MED13L: variants seen among roughly 807,000 people sequenced by gnomAD.
MED13L encodes mediator complex subunit 13L.
MED13L carries 7 observed loss-of-function variants against 220.9 expected under a neutral mutation model. The ratio of observed to expected loss-of-function variants is 0.03; its 90% CI spans 0.02 to 0.06. The LOEUF (loss-of-function observed/expected upper bound fraction) is 0.06, where lower values mean the gene tolerates loss of function less well. Ranked by LOEUF, MED13L falls within the 10% of genes least tolerant of loss-of-function variation. The pLI, the probability that MED13L is intolerant of heterozygous loss-of-function variation, is 1.00. For missense variants in MED13L, 1,965 were observed against 2,760.5 expected (o/e 0.71, Z 6.46); for synonymous variants, 1,011 against 1,015.2 (o/e 1.00, Z 0.08).
At chr12:116,067,357 T>C (rs559898232) in intron 4 of MED13L, among the ~76,000 whole-genome samples, 22 of 152,088 alleles carry the variant, frequency 1.4e-4, no homozygotes, top group Admixed American at 3.9e-4. Flanking sequence ...ATATATGAAG[T>C]TGGAATTTTC....
intron 2 of MED13L, among the ~76,000 whole-genome samples, chr12:116,199,219 TGA>T (rs1259097999): frequency 6.6e-6 from 1 of 152,208 alleles, no homozygotes; most frequent in African/African-American, 2.4e-5. Context: ...AGTTTTTGCA[TGA>T]GAGAGGTAGG....
chr12:116,012,419 C>T (rs114960845), intron 9 of MED13L, among the ~76,000 whole-genome samples: 5 of 152,316 alleles, frequency 3.3e-5, no homozygotes, highest in African/African-American at 1.2e-4. Context: ...AAATTATCTA[C>T]AGAAAGTCTC....
intron 14 of MED13L, among the ~76,000 whole-genome samples, chr12:115,998,216 T>C (rs576400182): frequency 5.9e-5 from 9 of 152,240 alleles, no homozygotes; most frequent in Non-Finnish European, 1.0e-4. Flanking sequence ...AGTAGACCTA[T>C]TGAAAAGTTG....
chr12:115,982,626 G>C, intron 21 of MED13L, 23 bp from the exon 22 acceptor site: 1 of 1,571,590 alleles, frequency 6.4e-7, no homozygotes, highest in African/African-American at 1.3e-5. Flanking sequence ...TCACTTGTGA[G>C]ATGCACAAAA....
intron 4 of MED13L, among the ~76,000 whole-genome samples, chr12:116,090,702 T>A (rs1345097929): frequency 6.6e-6 from 1 of 152,176 alleles, no homozygotes; most frequent in Non-Finnish European, 1.5e-5. Flanking sequence ...TGGAAGATCA[T>A]CTACATTTCC....
intron 16 of MED13L, among the ~76,000 whole-genome samples, chr12:115,995,992 A>C (rs574196931): frequency 6.6e-6 from 1 of 152,366 alleles, no homozygotes; most frequent in African/African-American, 2.4e-5. Context: ...TTCATTTAGA[A>C]AATAATGCAC....
chr12:116,165,458 G>T (rs1344472683), intron 2 of MED13L, among the ~76,000 whole-genome samples: 5 of 151,552 alleles, frequency 3.3e-5, no homozygotes, highest in Non-Finnish European at 7.4e-5. Context: ...AGCCTCCCAA[G>T]CAGCTAGGAC....
rs1310497096 is a variant in MED13L, at chr12:116,185,665, TTTCTTTTCTTTTCTTTTCTTTTC to T, written c.310+51780_310+51802del. Among the ~76,000 whole-genome samples the T allele has an allele frequency of 1.8e-4, 3 of 16,962 alleles. No homozygotes were observed. The East Asian group carries it at 0.039, about 223-fold the overall frequency. The allele number at this position is 16,962 out of a possible 152,430, so 11.1% of individuals were successfully genotyped here. On this transcript the variant is annotated intron_variant, in intron 2 of 30. Transcript: ENST00000281928. ...TTTTCATCACATGCTTTTCTTTTCT[TTTCTTTTCTTTTCTTTTCTTTTC>T]TTTTCTTTTCTTTTCTTTTCTTTTC... is the stretch of plus-strand genomic sequence containing the variant.
chr12:116,034,960 G>A (rs983767088), intron 4 of MED13L, among the ~76,000 whole-genome samples: 2 of 152,138 alleles, frequency 1.3e-5, no homozygotes, highest in Admixed American at 6.5e-5. Context: ...AGCCGAGATC[G>A]CGCCACTGCA....
chr12:116,110,930 A>C (rs1177857217), intron 3 of MED13L, among the ~76,000 whole-genome samples: 1 of 152,220 alleles, frequency 6.6e-6, no homozygotes, highest in Non-Finnish European at 1.5e-5. Context: ...ATTTAAAGAG[A>C]CATGAAAACT....
intron 3 of MED13L, among the ~76,000 whole-genome samples, chr12:116,107,874 G>A (rs1321153133): frequency 6.6e-6 from 1 of 152,122 alleles, no homozygotes; most frequent in African/African-American, 2.4e-5. Context: ...GGTGGATCAC[G>A]AGGTCAGGAG....
intron 4 of MED13L, among the ~76,000 whole-genome samples, chr12:116,039,765 A>AG (rs1473211020): frequency 6.6e-6 from 1 of 152,130 alleles, no homozygotes; most frequent in Non-Finnish European, 1.5e-5. Flanking sequence ...AGATGAAAAA[A>AG]GCATGAGTTC....
intron 2 of MED13L, among the ~76,000 whole-genome samples, chr12:116,231,185 C>T (rs1338861513): frequency 1.3e-5 from 2 of 152,122 alleles, no homozygotes; most frequent in Non-Finnish European, 2.9e-5. Context: ...AAGAGATATT[C>T]ACACAATCTC....
rs117629633 is a variant in MED13L, at chr12:116,137,658, C to T, written c.311-26146G>A. Among the ~76,000 whole-genome samples the T allele has an allele frequency of 5.2e-3, 796 of 152,138 alleles. 5 individuals are homozygous for T. Among genetic ancestry groups the T allele is most frequent in the Non-Finnish European group, 6.3e-3 (427 of 68,002 alleles). ...ACAGGCTTTGGAATCTATTAACAAG[C>T]TTTCCAAGTATATTCTTATATTGAA... is the stretch of plus-strand genomic sequence containing the variant. On this transcript the variant is annotated intron_variant, in intron 2 of 30. Transcript: ENST00000281928.
chr12:116,118,540 G>A (rs1593064710), intron 2 of MED13L, among the ~76,000 whole-genome samples: 1 of 152,186 alleles, frequency 6.6e-6, no homozygotes, highest in East Asian at 1.9e-4. Flanking sequence ...TGAAATTAAG[G>A]ATAATGCATT....
At chr12:116,031,750 GA>G (rs57114463) in intron 4 of MED13L, among the ~76,000 whole-genome samples, 829 of 34,750 alleles carry the variant, frequency 0.024, 36 homozygotes, top group African/African-American at 0.048. Flanking sequence ...GAAAAGAAAA[GA>G]AAAGAAAAGA....
At chr12:116,248,208 T>C (rs905439763) in intron 1 of MED13L, among the ~76,000 whole-genome samples, 1 of 152,192 alleles carries the variant, frequency 6.6e-6, no homozygotes, top group Non-Finnish European at 1.5e-5. Flanking sequence ...TAATACATAG[T>C]TAAAATGATT....
intron 30 of MED13L, 145 bp downstream of exon 30, chr12:115,963,262 C>T (rs533367139): frequency 1.5e-4 from 109 of 725,574 alleles, no homozygotes; most frequent in Non-Finnish European, 2.6e-4. Flanking sequence ...GGGACTGCAG[C>T]TCTCACTGAC....
chr12:116,177,391 G>A (rs951388034), intron 2 of MED13L, among the ~76,000 whole-genome samples: 3 of 152,152 alleles, frequency 2.0e-5, no homozygotes, highest in Admixed American at 2.0e-4. Context: ...TAGGCATTGA[G>A]TCTCTGTCTC....
Sources: allele counts gnomAD v4.1 joint callset (sites outside exome capture counted in the v4.1 genomes callset), GRCh38; gene constraint gnomAD v4.1.1; transcripts MANE v1.5; gene names NCBI Gene and HGNC (gene_info 2026-07-23, HGNC 2026-07-21).